Variants in IL1RAPL1 observed in about 807,000 individuals in gnomAD.
IL1RAPL1 encodes interleukin 1 receptor accessory protein like 1, also known as interleukin-1 receptor accessory protein-like 1.
In IL1RAPL1, 3 loss-of-function variants were observed where a neutral mutation model predicts 48.4. That is an observed-to-expected ratio of 0.06 (90% confidence interval 0.03 to 0.16). The LOEUF (loss-of-function observed/expected upper bound fraction) is 0.16, where lower values mean the gene tolerates loss of function less well. Among genes scored for constraint, IL1RAPL1 ranks in the 10% least tolerant of loss-of-function variants. The probability of loss-of-function intolerance (pLI) is 1.00; values close to 1 mark genes in which losing one functional copy is unlikely to be tolerated. For missense variants in IL1RAPL1, 349 were observed against 530.6 expected (o/e 0.66, Z 3.36); for synonymous variants, 185 against 187.7 (o/e 0.99, Z 0.12).
chrX:28,765,737 C>T (rs1378325467), intron 1 of IL1RAPL1, among the ~76,000 whole-genome samples: 1 of 111,993 alleles, frequency 8.9e-6, no homozygotes, highest in Non-Finnish European at 1.9e-5. Flanking sequence ...TTCACATCAT[C>T]TCTGTCTTTG....
At chrX:29,495,151 T>A (rs928827730) in intron 5 of IL1RAPL1, among the ~76,000 whole-genome samples, 1 of 112,198 alleles carries the variant, frequency 8.9e-6, no homozygotes, top group African/African-American at 3.2e-5. Flanking sequence ...TAGTTGCAAA[T>A]GCTTTATTGC....
intron 2 of IL1RAPL1, among the ~76,000 whole-genome samples, chrX:28,948,081 T>C (rs1924354818): frequency 9.0e-6 from 1 of 111,320 alleles, no homozygotes; most frequent in African/African-American, 3.3e-5. Context: ...AAAAAGACTG[T>C]TCTACAGAAG....
intron 3 of IL1RAPL1, among the ~76,000 whole-genome samples, chrX:29,340,833 G>A (rs1255473878): frequency 4.5e-5 from 5 of 112,174 alleles, no homozygotes; most frequent in African/African-American, 1.6e-4. Context: ...CCATGTAGCT[G>A]CCATACCAGC....
Position 29,144,330 on chromosome X carries a change from C to T in IL1RAPL1, c.83-138608C>T, listed in dbSNP as rs148166513. ...GGAAAATAAAGATCTTGGCTGGGTGCGGTGGCTCACACTTGTAATCCCAGC... is the reference window on the plus strand; with the variant it reads ...GGAAAATAAAGATCTTGGCTGGGTGTGGTGGCTCACACTTGTAATCCCAGC... On this transcript the variant is annotated intron_variant, in intron 2 of 10. Transcript: ENST00000378993. Among the ~76,000 whole-genome samples, 711 of 110,255 alleles carry T rather than the reference C, an allele frequency of 6.4e-3. 7 individuals carry two copies. Among genetic ancestry groups the T allele is most frequent in the African/African-American group, 0.022 (665 of 30,344 alleles).
intron 2 of IL1RAPL1, among the ~76,000 whole-genome samples, chrX:29,027,105 G>C (rs951530574): frequency 9.0e-6 from 1 of 111,470 alleles, no homozygotes; most frequent in Non-Finnish European, 1.9e-5. Flanking sequence ...CTGTGGGTTT[G>C]GACAAATGTG....
At chrX:29,550,853 T>G (rs1378328106) in intron 5 of IL1RAPL1, among the ~76,000 whole-genome samples, 2 of 112,150 alleles carry the variant, frequency 1.8e-5, no homozygotes, top group African/African-American at 6.5e-5. Context: ...ATGTACCATT[T>G]TTGCCATTTC....
At chrX:29,248,244 C>T (rs1931550564) in intron 2 of IL1RAPL1, among the ~76,000 whole-genome samples, 1 of 110,606 alleles carries the variant, frequency 9.0e-6, no homozygotes, top group Admixed American at 9.7e-5. Context: ...AGCGAAACCC[C>T]CTCCCTACTA....
intron 2 of IL1RAPL1, among the ~76,000 whole-genome samples, chrX:28,837,328 A>C (rs1041209961): frequency 9.0e-6 from 1 of 110,903 alleles, no homozygotes; most frequent in African/African-American, 3.3e-5. Context: ...AGAAGGAGAG[A>C]CTGGCTGACA....
chrX:28,735,613 TA>T (rs1358959044), intron 1 of IL1RAPL1, among the ~76,000 whole-genome samples: 77 of 107,176 alleles, frequency 7.2e-4, no homozygotes, highest in African/African-American at 2.2e-3. Flanking sequence ...CCCCATGTCT[TA>T]AAAAAAAATT....
At chrX:28,874,528 A>G (rs1010070304) in intron 2 of IL1RAPL1, among the ~76,000 whole-genome samples, 5 of 112,131 alleles carry the variant, frequency 4.5e-5, no homozygotes, top group African/African-American at 1.3e-4. Context: ...GATACACACT[A>G]GGTTATCTTG....
At chrX:29,738,905 T>C (rs141318492) in intron 6 of IL1RAPL1, among the ~76,000 whole-genome samples, 4,063 of 112,431 alleles carry the variant, frequency 0.036, 181 homozygotes, top group African/African-American at 0.12. Flanking sequence ...CCACTGTATC[T>C]TCCAGGAGGT....
chrX:29,594,619 GTTTAC>G (rs1923482950), intron 5 of IL1RAPL1, among the ~76,000 whole-genome samples: 1 of 111,326 alleles, frequency 9.0e-6, no homozygotes, highest in South Asian at 3.7e-4. Context: ...AAAATGAATG[GTTTAC>G]TTTAGAATTT....
chrX:29,310,143 A>G (rs1202362070), intron 3 of IL1RAPL1, among the ~76,000 whole-genome samples: 1 of 99,766 alleles, frequency 1.0e-5, no homozygotes, highest in African/African-American at 3.9e-5. Flanking sequence ...AGGAAAAAAA[A>G]AAAAACAAAA....
At chrX:29,064,356 A>G (rs1183698070) in intron 2 of IL1RAPL1, among the ~76,000 whole-genome samples, 1 of 111,590 alleles carries the variant, frequency 9.0e-6, no homozygotes, top group East Asian at 2.8e-4. Context: ...TGAAAGGGCC[A>G]CATGAAGTCC....
intron 6 of IL1RAPL1, among the ~76,000 whole-genome samples, chrX:29,906,462 TATATATATATATATATATATATATA>T (rs1932624785): frequency 1.6e-3 from 1 of 626 alleles, no homozygotes; most frequent in Non-Finnish European, 2.2e-3. Context: ...ACTTTGTAAA[TATATATATATATATATATATATATA>T]TATATATATA....
intron 1 of IL1RAPL1, among the ~76,000 whole-genome samples, chrX:28,644,852 T>C (rs766782313): frequency 1.8e-5 from 2 of 111,544 alleles, no homozygotes; most frequent in African/African-American, 3.3e-5. Context: ...AGAATGTTGA[T>C]ACCAGTTTTG....
chrX:28,910,215 C>T (rs149865796), intron 2 of IL1RAPL1, among the ~76,000 whole-genome samples: 278 of 110,976 alleles, frequency 2.5e-3, no homozygotes, highest in Non-Finnish European at 4.1e-3. Context: ...CCTTTCTCCC[C>T]CAAACTTCAA....
At chrX:28,914,795 T>C (rs189750180) in intron 2 of IL1RAPL1, among the ~76,000 whole-genome samples, 51 of 112,832 alleles carry the variant, frequency 4.5e-4, no homozygotes, top group African/African-American at 1.6e-3. Flanking sequence ...ATATTCTGTA[T>C]ATACTCTATG....
chrX:29,187,676 AT>A (rs1461151377), intron 2 of IL1RAPL1, among the ~76,000 whole-genome samples: 1 of 111,005 alleles, frequency 9.0e-6, no homozygotes, highest in African/African-American at 3.3e-5. Flanking sequence ...ACTTAAAAAA[AT>A]GTGAGCAATT....
Sources: allele counts gnomAD v4.1 joint callset (sites outside exome capture counted in the v4.1 genomes callset), GRCh38; gene constraint gnomAD v4.1.1; transcripts MANE v1.5; gene names NCBI Gene and HGNC (gene_info 2026-07-23, HGNC 2026-07-21).